Variants in PTPRD observed in about 807,000 individuals in gnomAD.
PTPRD encodes protein tyrosine phosphatase receptor type D, also known as receptor-type tyrosine-protein phosphatase delta.
Under a neutral mutation model 214.5 loss-of-function variants are expected in PTPRD, and 34 were observed. The ratio of observed to expected loss-of-function variants is 0.16; its 90% CI spans 0.12 to 0.21. The LOEUF is 0.21. Ranked by LOEUF, PTPRD falls within the 10% of genes least tolerant of loss-of-function variation. The probability of loss-of-function intolerance (pLI) is 1.00; values close to 1 mark genes in which losing one functional copy is unlikely to be tolerated. For synonymous variants in PTPRD, 1,128 were observed against 845.7 expected, an observed-to-expected ratio of 1.33 and a Z score of -5.79; for missense variants, 2,545 against 2,398.7, an observed-to-expected ratio of 1.06 and a Z score of -1.27.
intron 11 of PTPRD, among the ~76,000 whole-genome samples, chr9:8,943,977 G>C (rs1244099398): frequency 6.6e-6 from 1 of 151,640 alleles, no homozygotes; most frequent in Non-Finnish European, 1.5e-5. Context: ...CATGGAATGG[G>C]AGAAAACATT....
chr9:9,218,066 G>A (rs1316865998), intron 9 of PTPRD, among the ~76,000 whole-genome samples: 1 of 152,070 alleles, frequency 6.6e-6, no homozygotes, highest in African/African-American at 2.4e-5. Context: ...TCTGTTTAAG[G>A]AACACCTGAT....
chr9:8,409,884 C>G (rs1268817773), intron 35 of PTPRD, among the ~76,000 whole-genome samples: 1 of 152,182 alleles, frequency 6.6e-6, no homozygotes, highest in Non-Finnish European at 1.5e-5. Flanking sequence ...ATGGGTCAGA[C>G]TAACCATTCT....
Position 10,279,025 on chromosome 9 carries a change from T to C in PTPRD, c.-545+61938A>G, listed in dbSNP as rs113104247. Reference sequence around the variant, plus strand: ...TCCTGGCCTCGTGATCTGCCCGCCTTGGCCTCCCAAAGTGCTGGGCTCACA... The same window carrying C: ...TCCTGGCCTCGTGATCTGCCCGCCTCGGCCTCCCAAAGTGCTGGGCTCACA... On this transcript the variant is annotated intron_variant, in intron 3 of 45. Coordinates refer to ENST00000381196, the MANE Select transcript of PTPRD (RefSeq NM_002839.4). Among the ~76,000 whole-genome samples the C allele has an allele frequency of 1.5e-3, 233 of 152,210 alleles. No homozygotes were observed. The South Asian group carries it at 0.016, about 10-fold the overall frequency.
intron 5 of PTPRD, among the ~76,000 whole-genome samples, chr9:9,790,483 T>G (rs1452981062): frequency 3.3e-5 from 5 of 152,214 alleles, no homozygotes; most frequent in African/African-American, 1.2e-4. Context: ...ATCAATTCCC[T>G]TCTGCCTGAT....
At chr9:8,980,044 G>A (rs1415504963) in intron 11 of PTPRD, among the ~76,000 whole-genome samples, 1 of 152,036 alleles carries the variant, frequency 6.6e-6, no homozygotes, top group Non-Finnish European at 1.5e-5. Context: ...ATATTATTCA[G>A]CCTCAAAAAA....
chr9:10,588,917 T>C (rs2074663579), intron 2 of PTPRD, among the ~76,000 whole-genome samples: 1 of 152,088 alleles, frequency 6.6e-6, no homozygotes, highest in African/African-American at 2.4e-5. Context: ...AACATTTTAC[T>C]TGGTCTATTT....
intron 2 of PTPRD, among the ~76,000 whole-genome samples, chr9:10,603,698 A>C (rs1265477121): frequency 3.3e-5 from 5 of 151,912 alleles, no homozygotes; most frequent in African/African-American, 1.2e-4. Flanking sequence ...TGAAGCAGTC[A>C]ATAAGTGTTG....
chr9:9,402,031 T>G (rs753948661), intron 8 of PTPRD, among the ~76,000 whole-genome samples: 1 of 152,204 alleles, frequency 6.6e-6, no homozygotes, highest in South Asian at 2.1e-4. Context: ...GCAGTCATAA[T>G]TGTGAGTTCT....
chr9:8,404,033 T>TG, intron 36 of PTPRD, among the ~76,000 whole-genome samples: 1 of 152,234 alleles, frequency 6.6e-6, no homozygotes, highest in Non-Finnish European at 1.5e-5. Flanking sequence ...GATGCACTTC[T>TG]GTCATATGGT....
At chr9:8,807,529 AT>A (rs1265207143) in intron 11 of PTPRD, among the ~76,000 whole-genome samples, 1 of 152,096 alleles carries the variant, frequency 6.6e-6, no homozygotes, top group African/African-American at 2.4e-5. Flanking sequence ...TTAAACTATT[AT>A]TTAGAAAGTT....
intron 7 of PTPRD, among the ~76,000 whole-genome samples, chr9:9,714,780 C>A (rs1284380892): frequency 3.9e-5 from 6 of 152,060 alleles, no homozygotes; most frequent in African/African-American, 7.2e-5. Context: ...TCTAAAAGTT[C>A]AAGGCAGCAA....
intron 2 of PTPRD, among the ~76,000 whole-genome samples, chr9:10,537,119 T>C (rs1047479930): frequency 1.3e-5 from 2 of 152,148 alleles, no homozygotes; most frequent in African/African-American, 2.4e-5. Context: ...TATAGGACTA[T>C]TGTCACCAAA....
chr9:10,205,573 T>G (rs1211096141), intron 3 of PTPRD, among the ~76,000 whole-genome samples: 1 of 151,814 alleles, frequency 6.6e-6, no homozygotes, highest in Non-Finnish European at 1.5e-5. Flanking sequence ...ACCAGCCTAA[T>G]TTTTTATGTG....
At chr9:8,939,914 T>C (rs1360197160) in intron 11 of PTPRD, among the ~76,000 whole-genome samples, 1 of 152,076 alleles carries the variant, frequency 6.6e-6, no homozygotes, top group African/African-American at 2.4e-5. Context: ...AAGTTTTCTT[T>C]AGAAAAACAT....
chr9:8,876,491 T>A (rs576817720), intron 11 of PTPRD, among the ~76,000 whole-genome samples: 71 of 152,210 alleles, frequency 4.7e-4, no homozygotes, highest in Non-Finnish European at 9.0e-4. Context: ...GTAATGCTCA[T>A]GCACTATAGT....
intron 4 of PTPRD, among the ~76,000 whole-genome samples, chr9:9,966,671 A>G (rs2094724933): frequency 6.6e-6 from 1 of 152,088 alleles, no homozygotes; most frequent in Non-Finnish European, 1.5e-5. Flanking sequence ...GGAGAAGTGG[A>G]TTTGGGGGAA....
intron 6 of PTPRD, among the ~76,000 whole-genome samples, chr9:9,756,192 C>A (rs1271691896): frequency 6.6e-6 from 1 of 152,038 alleles, no homozygotes; most frequent in East Asian, 1.9e-4. Flanking sequence ...CAGAGATGAA[C>A]ATAAATTCTA....
chr9:8,649,246 C>T (rs967400868), intron 12 of PTPRD, among the ~76,000 whole-genome samples: 3 of 152,184 alleles, frequency 2.0e-5, no homozygotes, highest in Admixed American at 6.5e-5. Flanking sequence ...AAACCAGTTC[C>T]ACAAAGAGAA....
At chr9:9,856,434 C>T (rs2061569727) in intron 5 of PTPRD, among the ~76,000 whole-genome samples, 1 of 152,102 alleles carries the variant, frequency 6.6e-6, no homozygotes, top group African/African-American at 2.4e-5. Flanking sequence ...TCTCTTCCTC[C>T]TGTCTCTATC....
Sources: gnomAD v4.1 joint callset for allele counts (sites outside exome capture counted in the v4.1 genomes callset) on GRCh38, gnomAD v4.1.1 for gene constraint, MANE v1.5 for transcripts, NCBI Gene and HGNC (gene_info 2026-07-23, HGNC 2026-07-21) for gene names.